PATJ: variants seen among roughly 807,000 people sequenced by gnomAD.
PATJ encodes inaD-like protein.
Under a neutral mutation model 224.9 loss-of-function variants are expected in PATJ, and 190 were observed. That is an observed-to-expected ratio of 0.84 (90% CI 0.75 to 0.95). The LOEUF (loss-of-function observed/expected upper bound fraction) is 0.95, where lower values mean the gene tolerates loss of function less well. Among genes scored for constraint, PATJ ranks in the 40% least tolerant of loss-of-function variants. The pLI is 0.00. For missense variants in PATJ, 2,121 were observed against 2,270.3 expected (o/e 0.93, Z 1.34); for synonymous variants, 769 against 820.3 (o/e 0.94, Z 1.07).
At position 61,990,682 on chromosome 1, in the gene PATJ, A is replaced by G. The variant is rs568984380; in HGVS notation, c.3867+318A>G. On this transcript the variant is annotated intron_variant, in intron 28 of 43. Transcript: ENST00000642238. ...TGTATATTAACCTAATTTTGATAGTATTTATCAAAATTCTCTTTGGGTTTT... is the reference window on the plus strand; with the variant it reads ...TGTATATTAACCTAATTTTGATAGTGTTTATCAAAATTCTCTTTGGGTTTT... Among the ~76,000 whole-genome samples, 4 of 152,222 alleles carry G rather than the reference A, an allele frequency of 2.6e-5. No homozygotes were observed. The East Asian group carries it at 7.7e-4, about 29-fold the overall frequency.
Position 62,110,820 on chromosome 1 carries a change from C to T in PATJ, c.4461+2300C>T, listed in dbSNP as rs1355105932. ...TCCACCCAAGGGATGTGGTAGTCTC[C>T]CTTTGACTACTGGGTCTTCCTGGAG... On this transcript the variant is annotated intron_variant, in intron 34 of 43. Coordinates refer to ENST00000642238, the MANE Select transcript of PATJ (RefSeq NM_001350145.3). 2.0e-5 allele frequency among the ~76,000 whole-genome samples: 3 copies of T among 152,194 alleles called. No homozygotes were observed. The East Asian group carries it at 5.8e-4, about 29-fold the overall frequency.
At chr1:61,862,646 C>T (rs1199192704) in intron 19 of PATJ, among the ~76,000 whole-genome samples, 1 of 152,072 alleles carries the variant, frequency 6.6e-6, no homozygotes, top group Non-Finnish European at 1.5e-5. Context: ...AATAGACCTG[C>T]ATTTAAAATG....
At chr1:62,073,418 T>C in intron 31 of PATJ, 4 of 622,586 alleles carry the variant, frequency 6.4e-6, no homozygotes, top group South Asian at 7.2e-5. Flanking sequence ...AGGTCAGGAG[T>C]TCCAGACCAG....
chr1:61,948,304 A>C (rs973023520), intron 27 of PATJ, among the ~76,000 whole-genome samples: 8 of 152,210 alleles, frequency 5.3e-5, no homozygotes, highest in East Asian at 1.9e-4. Flanking sequence ...AAATTTTTAC[A>C]ATCTATCCAT....
intron 27 of PATJ, among the ~76,000 whole-genome samples, chr1:61,933,341 C>A (rs1361760313): frequency 6.6e-6 from 1 of 151,918 alleles, no homozygotes; most frequent in Non-Finnish European, 1.5e-5. Flanking sequence ...GAGTGCACGA[C>A]CAGCCTGGCC....
chr1:61,948,746 T>C (rs947696505), intron 27 of PATJ, among the ~76,000 whole-genome samples: 9 of 152,166 alleles, frequency 5.9e-5, no homozygotes, highest in African/African-American at 2.2e-4. Context: ...ATCATGCTGC[T>C]ATAAAGACAC....
intron 20 of PATJ, 38 bp downstream of exon 20, chr1:61,864,671 T>G: frequency 6.5e-7 from 1 of 1,539,436 alleles, no homozygotes; most frequent in Non-Finnish European, 8.8e-7. Flanking sequence ...CCTCCCCTTC[T>G]GCTCTCCTCG....
chr1:62,113,358 C>T (rs1026786394), intron 34 of PATJ, among the ~76,000 whole-genome samples: 2 of 152,070 alleles, frequency 1.3e-5, no homozygotes, highest in African/African-American at 4.8e-5. Flanking sequence ...AGATGTCAGC[C>T]AGGCATGGTG....
At chr1:61,774,623 C>A (rs1646815453) in intron 6 of PATJ, among the ~76,000 whole-genome samples, 1 of 152,196 alleles carries the variant, frequency 6.6e-6, no homozygotes, top group African/African-American at 2.4e-5. Context: ...ACTATTTCCA[C>A]TTGATTACCC....
intron 28 of PATJ, among the ~76,000 whole-genome samples, chr1:62,017,121 T>C (rs74079613): frequency 0.01 from 1,586 of 152,276 alleles, 32 homozygotes; most frequent in African/African-American, 0.036. Flanking sequence ...TATTAAGATT[T>C]TTAGCATTTG....
rs1664163248 is a variant in PATJ at position 62,114,044 on chromosome 1, T to C, written c.4462-9T>C. ...TCAGCAGCCCAGCTCAGGATGCCCA[T>C]TGTTCCAGGTTAATGGGGTTGACCT... On this transcript the variant is annotated splice_polypyrimidine_tract_variant and intron_variant, in intron 34 of 43. Coordinates refer to ENST00000642238, the MANE Select transcript of PATJ (RefSeq NM_001350145.3). The C allele has an allele frequency of 6.2e-7, 1 of 1,613,300 alleles. No individual in the cohort carries two copies. Among genetic ancestry groups the C allele is most frequent in the South Asian group, 1.1e-5 (1 of 90,920 alleles).
intron 43 of PATJ, among the ~76,000 whole-genome samples, chr1:62,156,855 G>A (rs1380614274): frequency 1.3e-5 from 2 of 150,914 alleles, no homozygotes; most frequent in Non-Finnish European, 2.9e-5. Flanking sequence ...GGTGAAATCT[G>A]CAGTGAGCTG....
intron 28 of PATJ, among the ~76,000 whole-genome samples, chr1:61,992,034 T>C (rs1185617878): frequency 6.6e-6 from 1 of 151,948 alleles, no homozygotes; most frequent in Admixed American, 6.6e-5. Flanking sequence ...ACTAAGTGAA[T>C]AAGTGTGGAT....
At chr1:62,123,174 G>A in intron 39 of PATJ, 116 bp downstream of exon 39, 1 of 713,856 alleles carries the variant, frequency 1.4e-6, no homozygotes, top group East Asian at 2.7e-5. Flanking sequence ...AAGTTACTGA[G>A]ATAAAAATAT....
At chr1:61,973,496 C>T (rs1683248016) in intron 27 of PATJ, among the ~76,000 whole-genome samples, 1 of 151,966 alleles carries the variant, frequency 6.6e-6, no homozygotes, top group African/African-American at 2.4e-5. Flanking sequence ...CTACAGTTTC[C>T]TTTAATTACT....
intron 27 of PATJ, among the ~76,000 whole-genome samples, chr1:61,940,245 G>A (rs1677599739): frequency 6.6e-6 from 1 of 152,112 alleles, no homozygotes; most frequent in Non-Finnish European, 1.5e-5. Context: ...TTGGGAATAT[G>A]ATAACAATAA....
At chr1:61,920,702 C>CTTTTTTT (rs71582652) in intron 26 of PATJ, among the ~76,000 whole-genome samples, 7 of 89,506 alleles carry the variant, frequency 7.8e-5, no homozygotes, top group East Asian at 3.4e-4. Flanking sequence ...GTATGGAATT[C>CTTTTTTT]TTTTTTTTTT....
intron 22 of PATJ, among the ~76,000 whole-genome samples, chr1:61,897,352 A>G (rs942635868): frequency 6.6e-6 from 1 of 152,236 alleles, no homozygotes; most frequent in Non-Finnish European, 1.5e-5. Flanking sequence ...ATACTCATAA[A>G]CAGAAACCCC....
At chr1:62,103,109 G>T (rs539735331) in intron 33 of PATJ, among the ~76,000 whole-genome samples, 1 of 152,260 alleles carries the variant, frequency 6.6e-6, no homozygotes, top group South Asian at 2.1e-4. Flanking sequence ...CTGCTGTGGA[G>T]TTGAGGTGAC....
Sources: allele counts gnomAD v4.1 joint callset (sites outside exome capture counted in the v4.1 genomes callset), GRCh38; gene constraint gnomAD v4.1.1; transcripts MANE v1.5; gene names NCBI Gene and HGNC (gene_info 2026-07-23, HGNC 2026-07-21).